The following RBFOX1 variants were observed in gnomAD, a reference collection of about 807,000 sequenced individuals.
The protein encoded by RBFOX1 is RNA binding fox-1 homolog 1, also known as RNA binding protein fox-1 homolog 1.
In RBFOX1, 8 loss-of-function variants were observed where a neutral mutation model predicts 57.7. The observed-to-expected ratio is 0.14, with a 90% CI of 0.08 to 0.25. RBFOX1 has a LOEUF of 0.25. Among genes scored for constraint, RBFOX1 ranks in the 10% least tolerant of loss-of-function variants. RBFOX1 has a pLI of 1.00. For missense variants in RBFOX1, 611 were observed against 548.5 expected, an observed-to-expected ratio of 1.11 and a Z score of -1.14; for synonymous variants, 326 against 222.4, an observed-to-expected ratio of 1.47 and a Z score of -4.15.
intron 4 of RBFOX1, among the ~76,000 whole-genome samples, chr16:7,439,634 C>A (rs1423948187): frequency 6.6e-6 from 1 of 152,154 alleles, no homozygotes; most frequent in Non-Finnish European, 1.5e-5. Flanking sequence ...TCAGTTTTTC[C>A]TGAAGATAAA....
At chr16:6,797,100 C>A (rs1400466925) in intron 3 of RBFOX1, among the ~76,000 whole-genome samples, 2 of 152,134 alleles carry the variant, frequency 1.3e-5, no homozygotes, top group Non-Finnish European at 2.9e-5. Flanking sequence ...ATCGATCCTC[C>A]CACAGGTAGA....
At chr16:7,695,105 G>C (rs1040508543) in intron 14 of RBFOX1, among the ~76,000 whole-genome samples, 1 of 152,144 alleles carries the variant, frequency 6.6e-6, no homozygotes, top group Non-Finnish European at 1.5e-5. Context: ...TGGCTGCTCA[G>C]TAAATTCTTA....
intron 2 of RBFOX1, among the ~76,000 whole-genome samples, chr16:6,525,226 G>C (rs922601654): frequency 1.2e-4 from 19 of 152,322 alleles, no homozygotes; most frequent in African/African-American, 4.1e-4. Flanking sequence ...TTGAAGAACT[G>C]TGTGATGTCA....
At chr16:5,692,147 A>G (rs1421873531) in intron 3 of RBFOX1, among the ~76,000 whole-genome samples, 1 of 150,996 alleles carries the variant, frequency 6.6e-6, no homozygotes, top group Non-Finnish European at 1.5e-5. Flanking sequence ...TACCAAACCC[A>G]TGCATAATAG....
intron 11 of RBFOX1, among the ~76,000 whole-genome samples, chr16:7,639,336 C>G (rs1274031941): frequency 2.0e-5 from 3 of 152,192 alleles, no homozygotes; most frequent in Non-Finnish European, 4.4e-5. Context: ...GAATCAGACA[C>G]TCCTTCTTCT....
intron 2 of RBFOX1, among the ~76,000 whole-genome samples, chr16:5,594,889 TG>T: frequency 6.6e-6 from 1 of 151,038 alleles, no homozygotes. Flanking sequence ...CCCAGCACTT[TG>T]GGAGGTTGAA....
chr16:6,868,913 G>C (rs571020010), intron 3 of RBFOX1, among the ~76,000 whole-genome samples: 2 of 152,176 alleles, frequency 1.3e-5, no homozygotes, highest in Non-Finnish European at 2.9e-5. Context: ...GTGACATTTT[G>C]TGAGTTACCA....
intron 2 of RBFOX1, among the ~76,000 whole-genome samples, chr16:6,534,652 C>A (rs1342196525): frequency 6.6e-6 from 1 of 152,072 alleles, no homozygotes; most frequent in Non-Finnish European, 1.5e-5. Context: ...TATATAAATG[C>A]AATAAAAAAA....
intron 3 of RBFOX1, among the ~76,000 whole-genome samples, chr16:6,974,576 C>G (rs1355654901): frequency 6.6e-6 from 1 of 151,980 alleles, no homozygotes. Context: ...ATCTCCTGAC[C>G]TCAGGTGATC....
At chr16:7,171,128 C>T (rs147117217) in intron 4 of RBFOX1, among the ~76,000 whole-genome samples, 1 of 152,334 alleles carries the variant, frequency 6.6e-6, no homozygotes. Flanking sequence ...ATGTCTTGGG[C>T]ACTCTCAAGG....
chr16:6,994,420 C>A (rs2091960932), intron 3 of RBFOX1, among the ~76,000 whole-genome samples: 1 of 152,124 alleles, frequency 6.6e-6, no homozygotes, highest in South Asian at 2.1e-4. Context: ...GCTTCAGGCA[C>A]CCAATTGTAA....
At chr16:6,389,023 C>A (rs1410236334) in intron 2 of RBFOX1, among the ~76,000 whole-genome samples, 1 of 152,176 alleles carries the variant, frequency 6.6e-6, no homozygotes, top group Non-Finnish European at 1.5e-5. Context: ...CCTCTAACTA[C>A]TGAGTTACCT....
rs552820982 is a variant in RBFOX1 at position 5,339,049 on chromosome 16, C to G, written c.219+98944C>G. Among the ~76,000 whole-genome samples the G allele has an allele frequency of 2.0e-5, 3 of 151,932 alleles. No individual in the cohort carries two copies. In the South Asian group the frequency reaches 6.3e-4, roughly 32 times the overall value. On this transcript the variant is annotated intron_variant, in intron 1 of 2. Coordinates refer to the RBFOX1 transcript ENST00000585867. ...GAACACAAAATCTCTCAATAATTTTCAGGTGCATATTATCTTATTAACTAC... is the reference window on the plus strand; with the variant it reads ...GAACACAAAATCTCTCAATAATTTTGAGGTGCATATTATCTTATTAACTAC...
intron 3 of RBFOX1, among the ~76,000 whole-genome samples, chr16:5,659,364 C>G (rs1354382845): frequency 1.4e-5 from 2 of 145,104 alleles, no homozygotes; most frequent in African/African-American, 5.2e-5. Flanking sequence ...AGTGCAGTGG[C>G]GCCATCCCCG....
chr16:6,785,476 G>T (rs1445393553), intron 3 of RBFOX1, among the ~76,000 whole-genome samples: 1 of 152,102 alleles, frequency 6.6e-6, no homozygotes, highest in Admixed American at 6.6e-5. Context: ...GGCAATAAAA[G>T]CCATTTGCAT....
At position 6,119,130 on chromosome 16, in the gene RBFOX1, A is replaced by G. The variant is rs1162508143; in HGVS notation, c.-127+99138A>G. Among the ~76,000 whole-genome samples the G allele has an allele frequency of 2.0e-5, 3 of 152,006 alleles. No homozygotes were observed. In the East Asian group the frequency reaches 5.8e-4, roughly 29 times the overall value. On this transcript the variant is annotated intron_variant, in intron 1 of 15. Coordinates refer to ENST00000550418, the MANE Select transcript of RBFOX1 (RefSeq NM_018723.4). ...CAGTTTCCACATAGGTTTTACAGAT[A>G]TAATGGCATTACCTACACCATGTTT...
chr16:7,145,104 G>A (rs894576973), intron 4 of RBFOX1, among the ~76,000 whole-genome samples: 3 of 152,208 alleles, frequency 2.0e-5, no homozygotes, highest in Non-Finnish European at 4.4e-5. Flanking sequence ...TCCCTTTCCA[G>A]ACATAAGCAC....
intron 3 of RBFOX1, among the ~76,000 whole-genome samples, chr16:7,047,988 C>G (rs2048621081): frequency 6.6e-6 from 1 of 151,784 alleles, no homozygotes; most frequent in Non-Finnish European, 1.5e-5. Context: ...AAGCGATTCT[C>G]CTGTCTCAGC....
At chr16:5,501,588 T>C (rs2043199863) in intron 2 of RBFOX1, among the ~76,000 whole-genome samples, 2 of 152,174 alleles carry the variant, frequency 1.3e-5, no homozygotes, top group Non-Finnish European at 2.9e-5. Flanking sequence ...TTTTCCCCTC[T>C]GTTAAATGAA....
Sources: allele counts gnomAD v4.1 joint callset (sites outside exome capture counted in the v4.1 genomes callset), GRCh38; gene constraint gnomAD v4.1.1; transcripts MANE v1.5; gene names NCBI Gene and HGNC (gene_info 2026-07-23, HGNC 2026-07-21).